The following GAS2 variants were observed in gnomAD, a reference collection of about 807,000 sequenced individuals.
The protein encoded by GAS2 is growth arrest-specific protein 2.
GAS2 carries 20 observed loss-of-function variants against 37.5 expected under a neutral mutation model. That is an observed-to-expected ratio of 0.53 (90% confidence interval 0.37 to 0.77). The LOEUF (loss-of-function observed/expected upper bound fraction) is 0.77. GAS2 is among the 30% of genes least tolerant of loss of function. The probability of loss-of-function intolerance (pLI) is 0.00; values close to 1 mark genes in which losing one functional copy is unlikely to be tolerated. For missense variants in GAS2, 336 were observed against 373.4 expected, an observed-to-expected ratio of 0.90 and a Z score of 0.82; for synonymous variants, 144 against 132.2, an observed-to-expected ratio of 1.09 and a Z score of -0.61.
chr11:22,740,226 C>T (rs941435135), intron 5 of GAS2, among the ~76,000 whole-genome samples: 2 of 152,150 alleles, frequency 1.3e-5, no homozygotes, highest in Non-Finnish European at 2.9e-5. Context: ...AATAGTTCCT[C>T]CCACCCAAAT....
At chr11:22,803,119 C>T (rs748888679) in intron 7 of GAS2, among the ~76,000 whole-genome samples, 1 of 152,052 alleles carries the variant, frequency 6.6e-6, no homozygotes, top group South Asian at 2.1e-4. Flanking sequence ...TGCATTGATG[C>T]TACTGGTCAA....
intron 2 of GAS2, among the ~76,000 whole-genome samples, chr11:22,677,581 A>T (rs1444898853): frequency 6.6e-6 from 1 of 152,216 alleles, no homozygotes; most frequent in Non-Finnish European, 1.5e-5. Context: ...CATCAAGGGC[A>T]TTTTATTTAG....
chr11:22,718,169 G>A (rs949044691), intron 3 of GAS2, among the ~76,000 whole-genome samples: 2 of 152,006 alleles, frequency 1.3e-5, no homozygotes, highest in African/African-American at 4.8e-5. Context: ...ACTTACACAC[G>A]CATGTTTATA....
intron 3 of GAS2, among the ~76,000 whole-genome samples, chr11:22,693,093 A>G (rs1026157882): frequency 4.6e-5 from 7 of 152,166 alleles, no homozygotes; most frequent in African/African-American, 1.7e-4. Flanking sequence ...TGCAGTATCA[A>G]ATCTCCAATA....
At chr11:22,765,526 T>A (rs1056059597) in intron 7 of GAS2, among the ~76,000 whole-genome samples, 3 of 152,164 alleles carry the variant, frequency 2.0e-5, no homozygotes, top group African/African-American at 7.2e-5. Flanking sequence ...ATGCCTGTAA[T>A]CCCAGCACTT....
chr11:22,707,842 T>C (rs1261902123), intron 3 of GAS2, among the ~76,000 whole-genome samples: 2 of 152,184 alleles, frequency 1.3e-5, no homozygotes, highest in East Asian at 1.9e-4. Context: ...TGAACTTTGT[T>C]TTGTAAACAT....
At chr11:22,785,345 C>G (rs1259734976) in intron 7 of GAS2, among the ~76,000 whole-genome samples, 1 of 152,076 alleles carries the variant, frequency 6.6e-6, no homozygotes, top group South Asian at 2.1e-4. Context: ...CCACTCCTAC[C>G]TAGCCTGTCT....
At chr11:22,719,638 C>T (rs1851852250) in intron 3 of GAS2, among the ~76,000 whole-genome samples, 1 of 152,086 alleles carries the variant, frequency 6.6e-6, no homozygotes. Flanking sequence ...TCCATCCCTC[C>T]CTGCTAAACC....
At chr11:22,760,942 A>G (rs1422886175) in intron 7 of GAS2, among the ~76,000 whole-genome samples, 1 of 152,164 alleles carries the variant, frequency 6.6e-6, no homozygotes, top group Non-Finnish European at 1.5e-5. Context: ...TGAGCTTCCT[A>G]TCTTCCGGAA....
At chr11:22,655,077 C>T (rs550241263) in intron 1 of GAS2, among the ~76,000 whole-genome samples, 3 of 152,252 alleles carry the variant, frequency 2.0e-5, no homozygotes, top group Admixed American at 1.3e-4. Flanking sequence ...TCTCTCTCTC[C>T]CTACTGCCCT....
At chr11:22,727,374 C>T (rs1284079214) in intron 4 of GAS2, among the ~76,000 whole-genome samples, 1 of 151,956 alleles carries the variant, frequency 6.6e-6, no homozygotes, top group Non-Finnish European at 1.5e-5. Flanking sequence ...TCAGAGAGAA[C>T]AAGTATACAA....
At chr11:22,748,994 A>G (rs1312104705) in intron 5 of GAS2, 126 bp from the exon 6 acceptor site, 1 of 973,254 alleles carries the variant, frequency 1.0e-6, no homozygotes, top group African/African-American at 1.7e-5. Context: ...TCAATGCCAG[A>G]AAAAAAGTGA....
At chr11:22,627,412 G>A (rs1858677429) in intron 1 of GAS2, among the ~76,000 whole-genome samples, 1 of 152,198 alleles carries the variant, frequency 6.6e-6, no homozygotes, top group Non-Finnish European at 1.5e-5. Context: ...AAATGTGATA[G>A]TAGGATGAAA....
At chr11:22,787,437 C>T (rs913651355) in intron 7 of GAS2, among the ~76,000 whole-genome samples, 1 of 151,806 alleles carries the variant, frequency 6.6e-6, no homozygotes, top group Admixed American at 6.6e-5. Context: ...GCGATATATG[C>T]AGTGCATGTA....
chr11:22,798,041 A>C (rs1856509653), intron 7 of GAS2, among the ~76,000 whole-genome samples: 1 of 152,080 alleles, frequency 6.6e-6, no homozygotes, highest in Non-Finnish European at 1.5e-5. Flanking sequence ...GTATTATCTG[A>C]ATCCTAAGAG....
chr11:22,757,852 C>A (rs2134344838), intron 7 of GAS2, among the ~76,000 whole-genome samples: 1 of 151,576 alleles, frequency 6.6e-6, no homozygotes, highest in East Asian at 1.9e-4. Context: ...TTCATTTCCA[C>A]CCTGAAGGAG....
chr11:22,627,817 A>G (rs181719276), intron 1 of GAS2, among the ~76,000 whole-genome samples: 1 of 152,110 alleles, frequency 6.6e-6, no homozygotes, highest in African/African-American at 2.4e-5. Context: ...AGGAAAAGAA[A>G]CCAACTTTTC....
At chr11:22,799,167 A>G (rs1304504201) in intron 7 of GAS2, among the ~76,000 whole-genome samples, 1 of 152,006 alleles carries the variant, frequency 6.6e-6, no homozygotes, top group Non-Finnish European at 1.5e-5. Context: ...ATTGCCTCTT[A>G]AAAGGATGAC....
At chr11:22,766,517 C>G (rs1854705005) in intron 7 of GAS2, among the ~76,000 whole-genome samples, 1 of 152,128 alleles carries the variant, frequency 6.6e-6, no homozygotes, top group Admixed American at 6.5e-5. Context: ...TTTACCTATA[C>G]TCAATGCATA....
Sources: allele counts gnomAD v4.1 joint callset (sites outside exome capture counted in the v4.1 genomes callset), GRCh38; gene constraint gnomAD v4.1.1; transcripts MANE v1.5; gene names NCBI Gene and HGNC (gene_info 2026-07-23, HGNC 2026-07-21).